Variants in CSMD1 observed in about 807,000 individuals in gnomAD.
CSMD1 encodes the protein CUB and Sushi multiple domains 1, also known as CUB and sushi domain-containing protein 1.
In CSMD1, 213 loss-of-function variants were observed where a neutral mutation model predicts 417.5. The ratio of observed to expected loss-of-function variants is 0.51; its 90% CI spans 0.46 to 0.57. The LOEUF (loss-of-function observed/expected upper bound fraction) is 0.57. Ranked by LOEUF, CSMD1 falls within the 20% of genes least tolerant of loss-of-function variation. CSMD1 has a pLI of 0.00. For synonymous variants in CSMD1, 2,862 were observed against 1,736.8 expected (o/e 1.65, Z -16.11); for missense variants, 6,923 against 4,529.7 (o/e 1.53, Z -15.17).
chr8:4,635,591 T>C (rs1296905207), intron 2 of CSMD1, among the ~76,000 whole-genome samples: 1 of 152,152 alleles, frequency 6.6e-6, no homozygotes, highest in Non-Finnish European at 1.5e-5. Flanking sequence ...AGTCATAATT[T>C]TAACGTAGAG....
chr8:3,006,192 A>G (rs999427294), intron 52 of CSMD1, among the ~76,000 whole-genome samples: 6 of 151,816 alleles, frequency 4.0e-5, no homozygotes, highest in African/African-American at 9.7e-5. Context: ...AGAGAATAAA[A>G]TACCTAGGAA....
chr8:3,943,062 A>T (rs908896389), intron 5 of CSMD1, among the ~76,000 whole-genome samples: 1 of 152,128 alleles, frequency 6.6e-6, no homozygotes, highest in Non-Finnish European at 1.5e-5. Flanking sequence ...AGATAAATGC[A>T]ATAAAATCTC....
At chr8:4,539,292 G>A (rs1185646693) in intron 2 of CSMD1, among the ~76,000 whole-genome samples, 3 of 152,260 alleles carry the variant, frequency 2.0e-5, no homozygotes, top group South Asian at 4.1e-4. Context: ...TGCATATGTG[G>A]GATGTAAAAT....
chr8:4,476,911 G>A (rs1367705278), intron 2 of CSMD1, among the ~76,000 whole-genome samples: 1 of 152,192 alleles, frequency 6.6e-6, no homozygotes, highest in Non-Finnish European at 1.5e-5. Flanking sequence ...GGAATCAAGG[G>A]TGAAAAGAGA....
intron 7 of CSMD1, among the ~76,000 whole-genome samples, chr8:3,619,148 G>T (rs1425991120): frequency 1.4e-5 from 2 of 146,004 alleles, no homozygotes; most frequent in Non-Finnish European, 2.9e-5. Context: ...GATGAGGTTA[G>T]ATTCTTTGGA....
intron 2 of CSMD1, among the ~76,000 whole-genome samples, chr8:4,618,976 T>G (rs970379558): frequency 6.6e-6 from 1 of 152,146 alleles, no homozygotes; most frequent in Non-Finnish European, 1.5e-5. Context: ...AACAGAAGCT[T>G]CAGTAATACC....
At chr8:3,844,606 G>A (rs79441262) in intron 5 of CSMD1, among the ~76,000 whole-genome samples, 3 of 152,216 alleles carry the variant, frequency 2.0e-5, no homozygotes, top group East Asian at 3.9e-4. Flanking sequence ...AGGCAAGGGG[G>A]TGTCCTCCCA....
intron 33 of CSMD1, among the ~76,000 whole-genome samples, chr8:3,197,021 C>A (rs1796741157): frequency 6.6e-6 from 1 of 152,188 alleles, no homozygotes; most frequent in Non-Finnish European, 1.5e-5. Flanking sequence ...CAAATGTACC[C>A]TTCTGCTCTC....
intron 1 of CSMD1, among the ~76,000 whole-genome samples, chr8:4,676,671 T>G (rs763328837): frequency 4.6e-5 from 7 of 152,106 alleles, no homozygotes; most frequent in Non-Finnish European, 8.8e-5. Flanking sequence ...AGAACAATTT[T>G]ATTATAGCCT....
intron 1 of CSMD1, among the ~76,000 whole-genome samples, chr8:4,986,388 C>G (rs990455117): frequency 6.6e-6 from 1 of 152,136 alleles, no homozygotes; most frequent in East Asian, 1.9e-4. Flanking sequence ...AAGACACTTT[C>G]TGTTAAAAAA....
At chr8:4,385,616 T>G (rs1803397457) in intron 3 of CSMD1, among the ~76,000 whole-genome samples, 1 of 152,202 alleles carries the variant, frequency 6.6e-6, no homozygotes, top group South Asian at 2.1e-4. Context: ...TTTAATGTAT[T>G]TATGAATCAG....
intron 5 of CSMD1, among the ~76,000 whole-genome samples, chr8:3,764,658 G>C (rs1798172789): frequency 1.3e-5 from 2 of 152,096 alleles, no homozygotes; most frequent in African/African-American, 2.4e-5. Context: ...CTAGACAGGG[G>C]CTGGGGAGTT....
intron 1 of CSMD1, among the ~76,000 whole-genome samples, chr8:4,900,038 C>T (rs748214550): frequency 3.3e-5 from 5 of 152,118 alleles, no homozygotes; most frequent in African/African-American, 7.2e-5. Flanking sequence ...CCTCAAAATA[C>T]GACGTTTTTG....
intron 3 of CSMD1, among the ~76,000 whole-genome samples, chr8:4,161,236 T>A (rs1322609925): frequency 6.6e-6 from 1 of 152,128 alleles, no homozygotes; most frequent in Non-Finnish European, 1.5e-5. Context: ...AAGCAAGCAC[T>A]CTTACCATCT....
chr8:4,076,732 G>T (rs1799840278), intron 3 of CSMD1, among the ~76,000 whole-genome samples: 1 of 152,080 alleles, frequency 6.6e-6, no homozygotes, highest in Non-Finnish European at 1.5e-5. Flanking sequence ...GGCTCTCCAA[G>T]CCCTGACCCA....
intron 2 of CSMD1, among the ~76,000 whole-genome samples, chr8:4,624,656 G>A (rs933216474): frequency 1.3e-5 from 2 of 152,128 alleles, no homozygotes; most frequent in South Asian, 4.1e-4. Flanking sequence ...GTGCCCAGCA[G>A]CAGCTGCTCT....
intron 10 of CSMD1, among the ~76,000 whole-genome samples, chr8:3,507,777 G>A (rs769231418): frequency 6.6e-6 from 1 of 152,062 alleles, no homozygotes; most frequent in African/African-American, 2.4e-5. Flanking sequence ...ATTTTTTCAT[G>A]TGTTTTTTTG....
intron 21 of CSMD1, among the ~76,000 whole-genome samples, chr8:3,352,881 G>C (rs903339975): frequency 4.6e-5 from 7 of 151,796 alleles, no homozygotes; most frequent in African/African-American, 1.7e-4. Context: ...CAAAAAACAC[G>C]AAAACACATG....
intron 5 of CSMD1, among the ~76,000 whole-genome samples, chr8:3,890,329 G>T (rs191505487): frequency 6.6e-6 from 1 of 152,078 alleles, no homozygotes; most frequent in Non-Finnish European, 1.5e-5. Context: ...TTGCACACTT[G>T]AATTCAACAG....
Sources: gnomAD v4.1 joint callset for allele counts (sites outside exome capture counted in the v4.1 genomes callset) on GRCh38, gnomAD v4.1.1 for gene constraint, MANE v1.5 for transcripts, NCBI Gene and HGNC (gene_info 2026-07-23, HGNC 2026-07-21) for gene names.